FCER2: variants seen among roughly 807,000 people sequenced by gnomAD.
The protein encoded by FCER2 is low affinity immunoglobulin epsilon Fc receptor.
In FCER2, 38 loss-of-function variants were observed where a neutral mutation model predicts 49.7. The observed-to-expected ratio is 0.76, with a 90% confidence interval of 0.59 to 1.00. The LOEUF (loss-of-function observed/expected upper bound fraction) is 1.00, where lower values mean the gene tolerates loss of function less well. FCER2 is among the 50% of genes least tolerant of loss of function. FCER2 has a pLI of 0.00. For synonymous variants in FCER2, 163 were observed against 164.6 expected (o/e 0.99, Z 0.07); for missense variants, 425 against 419.5 (o/e 1.01, Z -0.11).
intron 8 of FCER2, among the ~76,000 whole-genome samples, chr19:7,695,920 CTTTTTT>C (rs60387474): frequency 1.2e-5 from 1 of 80,678 alleles, no homozygotes; most frequent in Non-Finnish European, 2.3e-5. Flanking sequence ...CCATCTCTCT[CTTTTTT>C]TTTTTTTTTT....
intron 9 of FCER2, 43 bp downstream of exon 9, chr19:7,690,363 C>A: frequency 1.9e-6 from 3 of 1,607,722 alleles, no homozygotes; most frequent in Non-Finnish European, 1.7e-6. Flanking sequence ...GGTCCCCCCA[C>A]CCTCGCCATG....
chr19:7,692,103 A>G (rs1218059058), intron 8 of FCER2, among the ~76,000 whole-genome samples: 2 of 148,022 alleles, frequency 1.4e-5, no homozygotes, highest in Non-Finnish European at 3.0e-5. Context: ...AACTACCAAC[A>G]CCATTGTCAT....
At chr19:7,698,435 G>A in intron 3 of FCER2, 26 bp from the exon 4 acceptor site, 1 of 1,574,254 alleles carries the variant, frequency 6.4e-7, no homozygotes, top group Non-Finnish European at 8.7e-7. Context: ...GAAGAGGAGT[G>A]GAGAGGGGGG....
At chr19:7,694,072 G>A (rs865898071) in intron 8 of FCER2, among the ~76,000 whole-genome samples, 7 of 152,050 alleles carry the variant, frequency 4.6e-5, no homozygotes, top group Middle Eastern at 3.4e-3. Context: ...GATTACAGGC[G>A]TGAGCCACCA....
At chr19:7,701,421 A>G (rs1214408780) in intron 1 of FCER2, among the ~76,000 whole-genome samples, 2 of 151,972 alleles carry the variant, frequency 1.3e-5, no homozygotes, top group African/African-American at 4.8e-5. Context: ...CTCATCTGTA[A>G]ATTGGGAGTA....
intron 1 of FCER2, among the ~76,000 whole-genome samples, chr19:7,700,777 T>C (rs539664322): frequency 1.3e-5 from 2 of 151,902 alleles, no homozygotes; most frequent in African/African-American, 4.8e-5. Context: ...CCTCCCAAAG[T>C]GCTGGGATTA....
intron 8 of FCER2, among the ~76,000 whole-genome samples, chr19:7,695,908 C>T (rs957044884): frequency 1.4e-5 from 2 of 147,994 alleles, no homozygotes; most frequent in African/African-American, 5.0e-5. Flanking sequence ...AAGAGTAAGA[C>T]TCCATCTCTC....
intron 1 of FCER2, among the ~76,000 whole-genome samples, chr19:7,701,162 G>T (rs1437534905): frequency 6.6e-6 from 1 of 152,184 alleles, no homozygotes; most frequent in Non-Finnish European, 1.5e-5. Flanking sequence ...TGGGACTTGG[G>T]GTCCTTCAGG....
Position 7,698,860 on chromosome 19 carries a change from G to A in FCER2, c.23-6C>T, listed in dbSNP as rs375723520. On this transcript the variant is annotated splice_region_variant and splice_polypyrimidine_tract_variant and intron_variant, in intron 2 of 10. Coordinates refer to ENST00000597921, the MANE Select transcript of FCER2 (RefSeq NM_001220500.2). ...CCTGGGAAGCTCCTCGATCTCTGCC[G>A]GGGGTGGAGGGACTGACTATGGGTG... 2.9e-5 allele frequency: 46 copies of A among 1,578,186 alleles called. No individual in the cohort carries two copies. The highest frequency in any genetic ancestry group is 6.8e-5 in the African/African-American group (5 of 73,898).
In FCER2 at chr19:7,688,955, G is replaced by A. The variant is rs962567752; in HGVS notation, c.*238C>T. 5.4e-6 allele frequency: 3 copies of A among 558,586 alleles called. No homozygotes were observed. In the African/African-American group the frequency reaches 5.7e-5, roughly 11 times the overall value. 34.6% of individuals were successfully genotyped at this position (558,586 alleles called of 1,614,324 possible). A position where few individuals can be genotyped will look rare whatever the true frequency, so the allele number is the denominator to read the frequency against. On this transcript the variant is annotated 3_prime_UTR_variant, in exon 11 of 11. Transcript: ENST00000597921. ...TTGGGGTGTACTCTCATCTGGAGAG[G>A]GTGCTGTTGGGGTGTACTCTCATCT...
chr19:7,689,555 C>CCGGT (rs1411874296), intron 10 of FCER2, 125 bp from the exon 11 acceptor site: 17 of 617,846 alleles, frequency 2.8e-5, no homozygotes, highest in Non-Finnish European at 4.8e-5. Context: ...TGCCTGGGGA[C>CCGGT]CGGTACCTCA....
chr19:7,698,308 G>A, intron 4 of FCER2, 48 bp downstream of exon 4: 3 of 1,346,040 alleles, frequency 2.2e-6, no homozygotes, highest in Middle Eastern at 1.9e-4. Context: ...ATGAGTGCTG[G>A]GCATCCTAAC....
chr19:7,699,038 T>C (rs2033094736), intron 2 of FCER2, among the ~76,000 whole-genome samples, 184 bp from the exon 3 acceptor site: 1 of 151,910 alleles, frequency 6.6e-6, no homozygotes, highest in Non-Finnish European at 1.5e-5. Context: ...CAGGGCTGGG[T>C]CACTGACCAC....
chr19:7,691,054 C>A (rs1340183020), intron 8 of FCER2, among the ~76,000 whole-genome samples: 2 of 152,200 alleles, frequency 1.3e-5, no homozygotes, highest in African/African-American at 2.4e-5. Context: ...CCACCATTAT[C>A]ACCACAGACA....
rs775906963 is a variant in FCER2, at chr19:7,690,236, G to A, written c.651C>T (p.Thr217=). ...AGTTCCGAAGGCCAATCCAGGAGCC[G>A]GTGTGGCTGGCATGCTTGGTCAGGA... The part of the protein sequence containing the change: ...QDFLTKHASH[T]GSWIGLRNLD... The change falls in exon 10 of 11, where the codon ACC becomes ACT. Residue 217 remains threonine, a synonymous_variant. Transcript: ENST00000597921. The A allele has an allele frequency of 5.1e-5, 83 of 1,613,868 alleles. No individual in the cohort carries two copies. The highest frequency in any genetic ancestry group is 2.5e-4 in the Admixed American group (15 of 59,996).
intron 1 of FCER2, among the ~76,000 whole-genome samples, chr19:7,701,450 A>G (rs2033150495): frequency 6.6e-6 from 1 of 152,140 alleles, no homozygotes; most frequent in African/African-American, 2.4e-5. Flanking sequence ...ACCAGCACAC[A>G]GTAGGTGCTC....
rs373413003 is a variant in FCER2 at position 7,690,494 on chromosome 19, C to A, written c.533G>T (p.Gly178Val). 8 of 1,614,118 alleles carry A rather than the reference C, an allele frequency of 5.0e-6. No individual in the cohort carries two copies. Among genetic ancestry groups the A allele is most frequent in the Non-Finnish European group, 6.8e-6 (8 of 1,179,984 alleles). Residue 178 changes from glycine (G) to valine (V), a missense_variant, in exon 9 of 11, where the codon GGC becomes GTC. Physicochemically the swap from Gly to Val is moderately radical, Grantham distance 109. Transcript: ENST00000597921. Reference sequence around the variant, plus strand: ...GTGGACCCACTGCTTGGTGCCCTTGCCGAAGTAGTAGCACTTCCGTTGGAA... The same window carrying A: ...GTGGACCCACTGCTTGGTGCCCTTGACGAAGTAGTAGCACTTCCGTTGGAA... ...INFQRKCYYF[G>V]KGTKQWVHAR...
chr19:7,699,807 A>G lies in FCER2; in HGVS notation c.-47T>C. 6.3e-7 allele frequency: 1 copy of G among 1,594,958 alleles called. No homozygotes were observed. The highest frequency in any genetic ancestry group is 1.7e-5 in the Admixed American group (1 of 59,792). On this transcript the variant is annotated 5_prime_UTR_variant, in exon 2 of 11. Transcript: ENST00000597921. ...CCGATGATGGAGCACTCACTCCCTG[A>G]CAACGCAGTCCACTCAGCGGGCACA...
Position 7,696,879 on chromosome 19 carries a change from C to T in FCER2, c.415G>A (p.Glu139Lys). 3.1e-6 allele frequency: 5 copies of T among 1,587,660 alleles called. No homozygotes were observed. Among genetic ancestry groups the T allele is most frequent in the South Asian group, 1.1e-5 (1 of 87,090 alleles). The change falls in exon 8 of 11, where the codon GAA (glutamate) becomes AAA (lysine). Residue 139 changes from glutamate (E) to lysine (K), a missense_variant. Glu to Lys is a moderately conservative substitution (Grantham distance 56). Transcript: ENST00000597921. ...TTTGTCACCTCCTCCCGGAGTCTTT[C>T]CAGCAAATCTGAAGCTTCGTTCCTC... ...NERNEASDLL[E>K]RLREEVTKLR...
Sources: gnomAD v4.1 joint callset for allele counts (sites outside exome capture counted in the v4.1 genomes callset) on GRCh38, gnomAD v4.1.1 for gene constraint, MANE v1.5 for transcripts, NCBI Gene and HGNC (gene_info 2026-07-23, HGNC 2026-07-21) for gene names.